Variants in SEMA3E observed in about 807,000 individuals in gnomAD.
SEMA3E encodes semaphorin-3E.
Under a neutral mutation model 93.6 loss-of-function variants are expected in SEMA3E, and 49 were observed. That is an observed-to-expected ratio of 0.52 (90% CI 0.42 to 0.66). SEMA3E has a LOEUF of 0.66. SEMA3E is among the 30% of genes least tolerant of loss of function. The probability of loss-of-function intolerance (pLI) is 0.00; values close to 1 mark genes in which losing one functional copy is unlikely to be tolerated. For synonymous variants in SEMA3E, 363 were observed against 330.7 expected, an observed-to-expected ratio of 1.10 and a Z score of -1.06; for missense variants, 906 against 964.8, an observed-to-expected ratio of 0.94 and a Z score of 0.81.
intron 4 of SEMA3E, among the ~76,000 whole-genome samples, chr7:83,425,800 C>A (rs1380779474): frequency 1.3e-5 from 2 of 152,122 alleles, no homozygotes; most frequent in African/African-American, 4.8e-5. Flanking sequence ...AGAGTATGGA[C>A]AACCTGCAGA....
intron 1 of SEMA3E, among the ~76,000 whole-genome samples, chr7:83,566,046 G>A (rs1792144669): frequency 1.5e-5 from 1 of 64,948 alleles, no homozygotes; most frequent in African/African-American, 6.7e-5. Context: ...GCCCAGGCTG[G>A]AGTGCAGTGG....
At chr7:83,467,015 A>C (rs942842482) in intron 3 of SEMA3E, among the ~76,000 whole-genome samples, 3 of 152,186 alleles carry the variant, frequency 2.0e-5, no homozygotes, top group African/African-American at 7.2e-5. Flanking sequence ...ATTAAAACCA[A>C]AAATTTGAAA....
At chr7:83,412,689 C>A (rs1788464011) in intron 5 of SEMA3E, among the ~76,000 whole-genome samples, 1 of 150,432 alleles carries the variant, frequency 6.6e-6, no homozygotes, top group Non-Finnish European at 1.5e-5. Context: ...TTGAGCCAGG[C>A]AGGTAGAGGC....
intron 1 of SEMA3E, among the ~76,000 whole-genome samples, chr7:83,495,368 T>C (rs1770442096): frequency 6.6e-6 from 1 of 151,914 alleles, no homozygotes; most frequent in East Asian, 1.9e-4. Flanking sequence ...GAAGAATGCT[T>C]CTATTTCCAA....
chr7:83,482,176 G>C (rs995893249), intron 2 of SEMA3E, among the ~76,000 whole-genome samples: 5 of 152,128 alleles, frequency 3.3e-5, no homozygotes, highest in Non-Finnish European at 7.4e-5. Flanking sequence ...TGGATAGGTG[G>C]CTTGGGATGT....
chr7:83,533,576 T>G (rs1791349038), intron 1 of SEMA3E, among the ~76,000 whole-genome samples: 1 of 147,760 alleles, frequency 6.8e-6, no homozygotes, highest in African/African-American at 2.6e-5. Flanking sequence ...TAAAATAAAA[T>G]AAAATAAAAT....
chr7:83,473,581 A>C (rs1276668803), intron 2 of SEMA3E, among the ~76,000 whole-genome samples: 1 of 152,244 alleles, frequency 6.6e-6, no homozygotes, highest in Non-Finnish European at 1.5e-5. Flanking sequence ...GCATTTAAAA[A>C]TTTAAAAATC....
At chr7:83,393,159 T>TGACAA (rs1254025878) in intron 13 of SEMA3E, among the ~76,000 whole-genome samples, 1 of 152,074 alleles carries the variant, frequency 6.6e-6, no homozygotes, top group African/African-American at 2.4e-5. Flanking sequence ...ATTGCTACAC[T>TGACAA]GAACTTGACA....
intron 2 of SEMA3E, among the ~76,000 whole-genome samples, chr7:83,488,435 T>TA (rs1013317642): frequency 2.6e-5 from 4 of 152,090 alleles, no homozygotes; most frequent in African/African-American, 9.7e-5. Context: ...AGAGACAGGT[T>TA]ACAACCAAAA....
chr7:83,633,524 C>T (rs914974628), intron 1 of SEMA3E, among the ~76,000 whole-genome samples: 5 of 151,906 alleles, frequency 3.3e-5, no homozygotes, highest in East Asian at 1.9e-4. Flanking sequence ...CGCAGCCAGA[C>T]GAGGAAAACA....
At chr7:83,444,162 G>A (rs572862471) in intron 4 of SEMA3E, among the ~76,000 whole-genome samples, 19 of 152,150 alleles carry the variant, frequency 1.2e-4, no homozygotes, top group Admixed American at 2.6e-4. Flanking sequence ...TCTCAGTCTT[G>A]ATGGATGAGT....
At chr7:83,523,070 A>C (rs1791082097) in intron 1 of SEMA3E, among the ~76,000 whole-genome samples, 1 of 152,116 alleles carries the variant, frequency 6.6e-6, no homozygotes, top group Admixed American at 6.6e-5. Context: ...GAATCCGAGG[A>C]AATAGGAAGT....
rs1223625541 is a variant in SEMA3E, at chr7:83,604,594, CACACACACATATATATATGT to C, written c.115+43814_115+43833del. On this transcript the variant is annotated intron_variant, in intron 1 of 16. Transcript: ENST00000643230. ...ATATAACCCAACATATATATATATA[CACACACACATATATATATGT>C]ACACACACATATATATATTTACTTT... 1.2e-4 allele frequency among the ~76,000 whole-genome samples: 18 copies of C among 150,188 alleles called. No homozygotes were observed. In the South Asian group the frequency reaches 2.7e-3, roughly 23 times the overall value.
intron 1 of SEMA3E, among the ~76,000 whole-genome samples, chr7:83,591,391 C>G (rs921379996): frequency 6.6e-6 from 1 of 151,316 alleles, no homozygotes; most frequent in Non-Finnish European, 1.5e-5. Context: ...GTTTTTCCAG[C>G]GTTCCAACTC....
chr7:83,636,749 A>G (rs1220112216), intron 1 of SEMA3E, among the ~76,000 whole-genome samples: 5 of 152,102 alleles, frequency 3.3e-5, no homozygotes, highest in Non-Finnish European at 7.4e-5. Flanking sequence ...CTGGGAGAAT[A>G]CAGTGCATTA....
chr7:83,533,208 C>A (rs968132098), intron 1 of SEMA3E, among the ~76,000 whole-genome samples: 1 of 152,122 alleles, frequency 6.6e-6, no homozygotes, highest in Non-Finnish European at 1.5e-5. Context: ...TCCCTTTTCT[C>A]ATCTTAATTT....
chr7:83,506,857 C>T (rs1371931447), intron 1 of SEMA3E, among the ~76,000 whole-genome samples: 1 of 152,024 alleles, frequency 6.6e-6, no homozygotes, highest in Non-Finnish European at 1.5e-5. Flanking sequence ...GTTAAAATGT[C>T]TATTATAGAA....
At chr7:83,506,746 G>T (rs970213841) in intron 1 of SEMA3E, among the ~76,000 whole-genome samples, 2 of 152,090 alleles carry the variant, frequency 1.3e-5, no homozygotes. Flanking sequence ...AAACAAGTAA[G>T]TTGGCAAATG....
At chr7:83,591,987 A>C (rs939714586) in intron 1 of SEMA3E, among the ~76,000 whole-genome samples, 4 of 152,104 alleles carry the variant, frequency 2.6e-5, no homozygotes, top group African/African-American at 7.2e-5. Context: ...AAATACAACC[A>C]TAACATTGCC....
Sources: allele counts gnomAD v4.1 joint callset (sites outside exome capture counted in the v4.1 genomes callset), GRCh38; gene constraint gnomAD v4.1.1; transcripts MANE v1.5; gene names NCBI Gene and HGNC (gene_info 2026-07-23, HGNC 2026-07-21).